Variants in KCNMA1 observed in about 807,000 individuals in gnomAD.
The protein encoded by KCNMA1 is potassium calcium-activated channel subfamily M alpha 1, also known as Calcium-activated potassium channel subunit alpha-1.
Under a neutral mutation model 140.0 loss-of-function variants are expected in KCNMA1, and 29 were observed. That is an observed-to-expected ratio of 0.21 (90% CI 0.15 to 0.28). The LOEUF (loss-of-function observed/expected upper bound fraction) is 0.28. KCNMA1 is among the 10% of genes least tolerant of loss of function. The pLI is 1.00. For missense variants in KCNMA1, 880 were observed against 1,602.2 expected (o/e 0.55, Z 7.70); for synonymous variants, 612 against 611.9 (o/e 1.00, Z 0.00).
chr10:76,929,714 T>C (rs998272400), intron 23 of KCNMA1, among the ~76,000 whole-genome samples: 4 of 152,212 alleles, frequency 2.6e-5, no homozygotes, highest in African/African-American at 9.6e-5. Context: ...CATCAATGTC[T>C]AATTTAATTG....
At chr10:77,197,013 T>C (rs1231939798) in intron 3 of KCNMA1, among the ~76,000 whole-genome samples, 1 of 152,138 alleles carries the variant, frequency 6.6e-6, no homozygotes, top group Non-Finnish European at 1.5e-5. Context: ...AAGTAAGTCA[T>C]TAGACAGCCC....
chr10:77,386,618 T>A (rs1396008765), intron 2 of KCNMA1, among the ~76,000 whole-genome samples: 1 of 152,228 alleles, frequency 6.6e-6, no homozygotes, highest in Non-Finnish European at 1.5e-5. Flanking sequence ...AGAACTTTGC[T>A]TTGACAAAAG....
chr10:77,410,120 T>C (rs1436558234), intron 1 of KCNMA1, among the ~76,000 whole-genome samples: 1 of 151,966 alleles, frequency 6.6e-6, no homozygotes, highest in African/African-American at 2.4e-5. Context: ...GGCTCAACAC[T>C]CAGATTCCTA....
chr10:77,488,598 T>G (rs906946993), intron 1 of KCNMA1, among the ~76,000 whole-genome samples: 8 of 152,152 alleles, frequency 5.3e-5, no homozygotes, highest in African/African-American at 1.9e-4. Context: ...GCAGCAGCTC[T>G]GTGGGTGCAC....
intron 5 of KCNMA1, among the ~76,000 whole-genome samples, chr10:77,139,240 G>A (rs1056465544): frequency 5.3e-5 from 8 of 152,192 alleles, no homozygotes; most frequent in African/African-American, 1.7e-4. Context: ...TGTGCCCTTA[G>A]CTTAATAATT....
At chr10:77,283,421 G>C (rs922578259) in intron 2 of KCNMA1, among the ~76,000 whole-genome samples, 4 of 152,196 alleles carry the variant, frequency 2.6e-5, no homozygotes, top group Non-Finnish European at 5.9e-5. Context: ...AGAAACACCA[G>C]TGGTCCCACA....
intron 27 of KCNMA1, chr10:76,887,882 C>T (rs1051315171): frequency 2.0e-5 from 6 of 306,354 alleles, no homozygotes; most frequent in East Asian, 8.0e-5. Flanking sequence ...TCATAATTTT[C>T]GGACAATCCC....
At chr10:76,883,240 T>TA (rs2035372161), downstream of KCNMA1, among the ~76,000 whole-genome samples, 1 of 152,108 alleles carries the variant, frequency 6.6e-6, no homozygotes, top group Non-Finnish European at 1.5e-5. Context: ...TCATATTTTT[T>TA]TAAAAAAATC....
chr10:77,150,522 G>T (rs1221962964), intron 5 of KCNMA1, among the ~76,000 whole-genome samples: 1 of 152,168 alleles, frequency 6.6e-6, no homozygotes, highest in African/African-American at 2.4e-5. Context: ...GTAAGACACA[G>T]TCCCTGCTTT....
intron 2 of KCNMA1, among the ~76,000 whole-genome samples, chr10:77,324,961 CTCTCTCTCTCTGTGTGTGTGTGTG>C (rs1327898431): frequency 1.5e-4 from 20 of 132,482 alleles, no homozygotes; most frequent in Admixed American, 4.0e-4. Context: ...CTCTCTCTCT[CTCTCTCTCTCTGTGTGTGTGTGTG>C]TGTGTGTGTG....
At chr10:77,358,829 A>G (rs73286080) in intron 2 of KCNMA1, among the ~76,000 whole-genome samples, 86 of 152,344 alleles carry the variant, frequency 5.6e-4, no homozygotes, top group African/African-American at 2.0e-3. Flanking sequence ...TCCTCCTACA[A>G]GTACGAGTGA....
At chr10:77,240,253 A>G (rs1264970961) in intron 3 of KCNMA1, among the ~76,000 whole-genome samples, 1 of 152,240 alleles carries the variant, frequency 6.6e-6, no homozygotes, top group Non-Finnish European at 1.5e-5. Context: ...CGTTATTTTC[A>G]GAGATGATGT....
In KCNMA1 at chr10:76,885,571, C is replaced by T. The variant is rs1001320724; in HGVS notation, c.*1695G>A. 2 of 985,318 alleles carry T rather than the reference C, an allele frequency of 2.0e-6. No individual in the cohort carries two copies. The highest frequency in any genetic ancestry group is 2.4e-6 in the Non-Finnish European group (2 of 829,908). 61.0% of individuals were successfully genotyped at this position (985,318 alleles called of 1,614,324 possible). A position where few individuals can be genotyped will look rare whatever the true frequency, so the allele number is the denominator to read the frequency against. On this transcript the variant is annotated 3_prime_UTR_variant, in exon 28 of 28. Coordinates refer to ENST00000286628, the MANE Select transcript of KCNMA1 (RefSeq NM_001161352.2). Reference sequence around the variant, plus strand: ...ATCCAAAACATTCACCATAAAAACACCTTTTTAGAGATGGTACAGCTGTGA... The same window carrying T: ...ATCCAAAACATTCACCATAAAAACATCTTTTTAGAGATGGTACAGCTGTGA...
intron 20 of KCNMA1, among the ~76,000 whole-genome samples, chr10:76,956,997 C>G (rs915788570): frequency 6.6e-6 from 1 of 151,650 alleles, no homozygotes; most frequent in Non-Finnish European, 1.5e-5. Context: ...GTGGTGGGTG[C>G]CTGTAGTCCC....
chr10:77,287,403 C>T (rs891805881), intron 2 of KCNMA1, among the ~76,000 whole-genome samples: 15 of 152,178 alleles, frequency 9.9e-5, no homozygotes, highest in Non-Finnish European at 2.2e-4. Flanking sequence ...GCAAATTCCT[C>T]CTCTCCTTCC....
At chr10:77,121,452 A>G (rs1246289194) in intron 5 of KCNMA1, among the ~76,000 whole-genome samples, 8 of 152,196 alleles carry the variant, frequency 5.3e-5, no homozygotes, top group Non-Finnish European at 1.2e-4. Context: ...TTGAGAATAA[A>G]TCGGATAACC....
At chr10:77,353,806 C>T (rs1659789) in intron 2 of KCNMA1, among the ~76,000 whole-genome samples, 123,165 of 152,070 alleles carry the variant, frequency 0.81, 50,070 homozygotes, top group Middle Eastern at 0.88. Flanking sequence ...ACCTGAATGA[C>T]AGATTAGAAC....
intron 1 of KCNMA1, among the ~76,000 whole-genome samples, chr10:77,405,220 T>C (rs2096433456): frequency 6.6e-6 from 1 of 152,208 alleles, no homozygotes. Context: ...TTCAATGAAG[T>C]CTTCCCTGGC....
chr10:77,189,740 C>T (rs1331090486), intron 3 of KCNMA1, among the ~76,000 whole-genome samples: 1 of 152,102 alleles, frequency 6.6e-6, no homozygotes, highest in Admixed American at 6.6e-5. Context: ...GAATGGGGCC[C>T]TCTCAATTCC....
Sources: allele counts gnomAD v4.1 joint callset (sites outside exome capture counted in the v4.1 genomes callset), GRCh38; gene constraint gnomAD v4.1.1; transcripts MANE v1.5; gene names NCBI Gene and HGNC (gene_info 2026-07-23, HGNC 2026-07-21).